The following XIRP2 variants were observed in gnomAD, a reference collection of about 807,000 sequenced individuals.
XIRP2 encodes xin actin-binding repeat-containing protein 2.
In XIRP2, 236 loss-of-function variants were observed where a neutral mutation model predicts 277.0. That is an observed-to-expected ratio of 0.85 (90% confidence interval 0.77 to 0.95). The LOEUF (loss-of-function observed/expected upper bound fraction) is 0.95. XIRP2 is among the 40% of genes least tolerant of loss of function. XIRP2 has a pLI of 0.00. For missense variants in XIRP2, 4,640 were observed against 4,157.5 expected (o/e 1.12, Z -3.19); for synonymous variants, 1,490 against 1,416.5 (o/e 1.05, Z -1.17).
At chr2:167,119,550 A>T (rs930660580) in intron 2 of XIRP2, among the ~76,000 whole-genome samples, 4 of 152,172 alleles carry the variant, frequency 2.6e-5, no homozygotes, top group Non-Finnish European at 5.9e-5. Context: ...AAGTGATTGT[A>T]CCAGACTCTC....
chr2:166,969,087 C>A (rs1686504788), intron 2 of XIRP2, among the ~76,000 whole-genome samples: 1 of 151,996 alleles, frequency 6.6e-6, no homozygotes, highest in South Asian at 2.1e-4. Context: ...ACTTTCTCCT[C>A]ATGGGAAAAT....
At chr2:167,202,004 G>T (rs1296297308) in intron 3 of XIRP2, among the ~76,000 whole-genome samples, 1 of 152,008 alleles carries the variant, frequency 6.6e-6, no homozygotes, top group Non-Finnish European at 1.5e-5. Flanking sequence ...CATCATATAT[G>T]GTTGTTATGA....
At chr2:167,061,398 G>A (rs1689170787) in intron 2 of XIRP2, among the ~76,000 whole-genome samples, 1 of 152,050 alleles carries the variant, frequency 6.6e-6, no homozygotes, top group Admixed American at 6.6e-5. Flanking sequence ...GAATAAAAGT[G>A]GTGGGACCAG....
intron 2 of XIRP2, among the ~76,000 whole-genome samples, chr2:167,110,374 T>C (rs1296322341): frequency 6.6e-6 from 1 of 152,164 alleles, no homozygotes; most frequent in African/African-American, 2.4e-5. Flanking sequence ...TCCAGTTTCA[T>C]TCTTCTGTGT....
At position 167,259,048 on chromosome 2, in the gene XIRP2, C is replaced by G. The variant is rs771878515; in HGVS notation, c.*1231C>G. 6.2e-7 allele frequency: 1 copy of G among 1,610,350 alleles called. No homozygotes were observed. The highest frequency in any genetic ancestry group is 2.2e-5 in the East Asian group (1 of 44,688). The stretch of plus-strand genomic sequence containing the variant: ...GCCATTCAAAGAGCAAAAATTTACA[C>G]TTTTTCTTTTCTAACACCGTGAAAA... On this transcript the variant is annotated 3_prime_UTR_variant, in exon 11 of 11. Coordinates refer to ENST00000409195, the MANE Select transcript of XIRP2 (RefSeq NM_152381.6).
At chr2:167,199,016 A>G (rs554905690) in intron 3 of XIRP2, among the ~76,000 whole-genome samples, 1 of 152,362 alleles carries the variant, frequency 6.6e-6, no homozygotes, top group South Asian at 2.1e-4. Flanking sequence ...TGAATTAAAT[A>G]CATTTTATTA....
intron 3 of XIRP2, among the ~76,000 whole-genome samples, chr2:167,162,062 G>A (rs1338501848): frequency 6.6e-6 from 1 of 152,134 alleles, no homozygotes; most frequent in African/African-American, 2.4e-5. Flanking sequence ...CTTTGCTGCA[G>A]TTCCCAACAA....
chr2:167,182,470 C>G (rs1693043957), intron 3 of XIRP2, among the ~76,000 whole-genome samples: 1 of 152,172 alleles, frequency 6.6e-6, no homozygotes, highest in African/African-American at 2.4e-5. Context: ...TGCAGGCCTA[C>G]ACTAAGAATT....
chr2:167,192,856 T>G (rs1440896067), intron 3 of XIRP2, among the ~76,000 whole-genome samples: 1 of 152,168 alleles, frequency 6.6e-6, no homozygotes, highest in African/African-American at 2.4e-5. Context: ...CCAGTTTTCC[T>G]CCGTAGCATC....
intron 5 of XIRP2, among the ~76,000 whole-genome samples, chr2:167,222,570 T>A (rs1694464851): frequency 6.6e-6 from 1 of 152,202 alleles, no homozygotes. Context: ...GTTTTAGGAT[T>A]GAATTCTCAG....
intron 2 of XIRP2, among the ~76,000 whole-genome samples, chr2:166,953,145 T>C (rs1009375229): frequency 6.6e-6 from 1 of 151,976 alleles, no homozygotes; most frequent in Admixed American, 6.6e-5. Context: ...ATATGTTGCA[T>C]GCTCTCCAAA....
intron 2 of XIRP2, among the ~76,000 whole-genome samples, chr2:167,043,426 A>G (rs919611971): frequency 6.6e-6 from 1 of 152,114 alleles, no homozygotes; most frequent in African/African-American, 2.4e-5. Context: ...GAAAGAGTAA[A>G]TAAGATTGAT....
intron 3 of XIRP2, chr2:167,184,411 T>G: frequency 1.6e-6 from 1 of 623,832 alleles, no homozygotes; most frequent in Non-Finnish European, 2.9e-6. Context: ...TATCCTGCTA[T>G]CCTGTGAAAT....
intron 2 of XIRP2, among the ~76,000 whole-genome samples, chr2:166,941,926 C>T (rs1331187070): frequency 2.0e-5 from 3 of 152,140 alleles, no homozygotes; most frequent in African/African-American, 7.2e-5. Flanking sequence ...GATAAAGTTA[C>T]AATAAAGAAA....
At position 167,250,657 on chromosome 2, in the gene XIRP2, G is replaced by A. The variant is rs1251526612; in HGVS notation, c.9265G>A (p.Glu3089Lys). The stretch of plus-strand genomic sequence containing the variant: ...ACAGCACCAAGTAGCAGCTCATCAT[G>A]AAGCAACTGTTCGTAGTCACGTGAA... ...TVQHQVAAHHEATVRSHVKTH... is the reference protein window; with the variant it reads ...TVQHQVAAHHKATVRSHVKTH... The change falls in exon 9 of 11, where the codon GAA becomes AAA. Residue 3089 changes from glutamate (E) to lysine (K), a missense_variant. Physicochemically the swap from Glu to Lys is moderately conservative, Grantham distance 56. Transcript: ENST00000409195. 2 of 1,613,512 alleles carry A rather than the reference G, an allele frequency of 1.2e-6. No homozygotes were observed. The highest frequency in any genetic ancestry group is 1.7e-5 in the Admixed American group (1 of 59,964).
intron 2 of XIRP2, among the ~76,000 whole-genome samples, chr2:167,010,645 A>C (rs978699179): frequency 6.6e-6 from 1 of 152,056 alleles, no homozygotes; most frequent in African/African-American, 2.4e-5. Context: ...CATTGAATCT[A>C]TAAATTACCT....
In XIRP2 at chr2:167,246,529, GTCAAACGTACCAT is replaced by G; in HGVS notation, c.5141_5153del (p.Lys1714IlefsTer33). 1 of 1,613,700 alleles carries G rather than the reference GTCAAACGTACCAT, an allele frequency of 6.2e-7. No individual in the cohort carries two copies. The highest frequency in any genetic ancestry group is 1.1e-5 in the South Asian group (1 of 91,048). ...GCGTGAAGAAGTAATAGGTGGTGAT[GTCAAACGTACCAT>G]TCATAATTTATTGTCTTCCACATCA... is the stretch of plus-strand genomic sequence containing the variant. On this transcript the variant is annotated frameshift_variant, in exon 9 of 11. Coordinates refer to ENST00000409195, the MANE Select transcript of XIRP2 (RefSeq NM_152381.6). LOFTEE classifies it high-confidence loss of function.
chr2:167,119,046 G>A (rs1690976460), intron 2 of XIRP2, among the ~76,000 whole-genome samples: 1 of 152,144 alleles, frequency 6.6e-6, no homozygotes, highest in South Asian at 2.1e-4. Context: ...AGCAAGGAAG[G>A]TGTTGATGAG....
At chr2:166,908,337 GT>G (rs1466782793) in intron 2 of XIRP2, among the ~76,000 whole-genome samples, 4 of 152,124 alleles carry the variant, frequency 2.6e-5, no homozygotes, top group African/African-American at 9.7e-5. Context: ...TCTCATTGTG[GT>G]TTTGATTTGC....
Sources: allele counts gnomAD v4.1 joint callset (sites outside exome capture counted in the v4.1 genomes callset), GRCh38; gene constraint gnomAD v4.1.1; transcripts MANE v1.5; gene names NCBI Gene and HGNC (gene_info 2026-07-23, HGNC 2026-07-21).